The following SETDB2 variants were observed in gnomAD, a reference collection of about 807,000 sequenced individuals.
SETDB2 encodes histone-lysine N-methyltransferase SETDB2.
SETDB2 carries 56 observed loss-of-function variants against 82.5 expected under a neutral mutation model. The ratio of observed to expected loss-of-function variants is 0.68; its 90% CI spans 0.55 to 0.85. The LOEUF is 0.85. SETDB2 is among the 40% of genes least tolerant of loss of function. The pLI, the probability that SETDB2 is intolerant of heterozygous loss-of-function variation, is 0.00. For synonymous variants in SETDB2, 272 were observed against 284.9 expected, an observed-to-expected ratio of 0.95 and a Z score of 0.46; for missense variants, 677 against 816.4, an observed-to-expected ratio of 0.83 and a Z score of 2.08.
chr13:49,467,602 G>A (rs908399949), intron 4 of SETDB2, among the ~76,000 whole-genome samples: 30 of 152,282 alleles, frequency 2.0e-4, no homozygotes, highest in Admixed American at 4.6e-4. Context: ...TTAAAGATTG[G>A]TTAAGCTTCA....
chr13:49,465,093 C>T (rs569593710), intron 4 of SETDB2, among the ~76,000 whole-genome samples: 3 of 151,098 alleles, frequency 2.0e-5, no homozygotes, highest in African/African-American at 4.9e-5. Context: ...AAAAGTTTCA[C>T]GCTAGCATTT....
At position 49,485,667 on chromosome 13, in the gene SETDB2, A is replaced by G. The variant is rs1335241311; in HGVS notation, c.1520A>G (p.Asn507Ser). 1.9e-6 allele frequency: 3 copies of G among 1,614,064 alleles called. No homozygotes were observed. In the South Asian group the frequency reaches 3.3e-5, roughly 18 times the overall value. ...VSSESVTPED[N>S]DGFKPPREHL... ...TCGGAGTCTGTCACTCCAGAAGATA[A>G]TGATGGATTTAAACCACCCCGAGAG... Residue 507 changes from asparagine to serine, a missense_variant, in exon 11 of 14, where the codon AAT becomes AGT. Coordinates refer to ENST00000611815, the MANE Select transcript of SETDB2 (RefSeq NM_001160308.3).
chr13:49,445,270 G>T (rs1378705573), intron 1 of SETDB2, among the ~76,000 whole-genome samples: 1 of 152,098 alleles, frequency 6.6e-6, no homozygotes, highest in African/African-American at 2.4e-5. Context: ...CTAACCCGTG[G>T]TTCTTAAGCG....
intron 12 of SETDB2, chr13:49,489,062 A>T (rs1200621905): frequency 6.4e-6 from 1 of 156,248 alleles, no homozygotes; most frequent in Non-Finnish European, 1.4e-5. Context: ...TACTGCAGGG[A>T]TTTAATGGTG....
At chr13:49,445,699 C>CG (rs1031514131) in intron 1 of SETDB2, 3 of 149,410 alleles carry the variant, frequency 2.0e-5, no homozygotes, top group Non-Finnish European at 4.5e-5. Flanking sequence ...GAGGCTGAGG[C>CG]GGGCGGATCA....
Position 49,491,867 on chromosome 13 carries a change from G to A in SETDB2, c.*18G>A. 1.3e-6 allele frequency: 2 copies of A among 1,523,064 alleles called. No homozygotes were observed. The highest frequency in any genetic ancestry group is 1.8e-6 in the Non-Finnish European group (2 of 1,097,996). The allele number at this position is 1,523,064 out of a possible 1,614,324, so 94.3% of individuals were successfully genotyped here. A position where few individuals can be genotyped will look rare whatever the true frequency, so the allele number is the denominator to read the frequency against. ...TATTATAAATATGTAACTAACGCCTGTTTGTGAAATTAGCTTATCAGGCTG... is the reference window on the plus strand; with the variant it reads ...TATTATAAATATGTAACTAACGCCTATTTGTGAAATTAGCTTATCAGGCTG... On this transcript the variant is annotated 3_prime_UTR_variant, in exon 14 of 14. Transcript: ENST00000611815.
At chr13:49,463,775 C>T (rs1274740370) in intron 4 of SETDB2, among the ~76,000 whole-genome samples, 1 of 152,158 alleles carries the variant, frequency 6.6e-6, no homozygotes, top group Non-Finnish European at 1.5e-5. Flanking sequence ...TTACAGAGAA[C>T]AGGAATCTAT....
intron 5 of SETDB2, among the ~76,000 whole-genome samples, chr13:49,474,867 G>C (rs1446133944): frequency 2.0e-5 from 3 of 152,198 alleles, no homozygotes; most frequent in African/African-American, 7.2e-5. Flanking sequence ...CAGTTCTTTG[G>C]TCGTGCTAGC....
At chr13:49,489,559 C>T (rs868241943) in intron 12 of SETDB2, among the ~76,000 whole-genome samples, 5 of 147,670 alleles carry the variant, frequency 3.4e-5, no homozygotes, top group South Asian at 4.2e-4. Context: ...TCCCATGCCC[C>T]GACTCCACCT....
chr13:49,473,367 T>C (rs1005989814), intron 5 of SETDB2, among the ~76,000 whole-genome samples: 2 of 151,866 alleles, frequency 1.3e-5, no homozygotes, highest in Non-Finnish European at 2.9e-5. Context: ...CTGGGCAACA[T>C]GGTGAGACCC....
chr13:49,448,504 A>C (rs894768427), intron 1 of SETDB2, among the ~76,000 whole-genome samples: 3 of 152,180 alleles, frequency 2.0e-5, no homozygotes, highest in Non-Finnish European at 2.9e-5. Flanking sequence ...CACCATTTCT[A>C]AATGTTCTTA....
At position 49,492,575 on chromosome 13, in the gene SETDB2, G is replaced by A. The variant is rs1958733287; in HGVS notation, c.*726G>A. The A allele has an allele frequency of 6.6e-6, 1 of 152,184 alleles. No individual in the cohort carries two copies. Among genetic ancestry groups the A allele is most frequent in the South Asian group, 2.1e-4 (1 of 4,834 alleles). The allele number at this position is 152,184 out of a possible 1,614,324, so 9.4% of individuals were successfully genotyped here. ...CTTGAATATTTTTGTTCTAGATAGA[G>A]ATACAGTTACTGAAAAGGAAACCTA... On this transcript the variant is annotated 3_prime_UTR_variant, in exon 14 of 14. Transcript: ENST00000611815.
intron 6 of SETDB2, among the ~76,000 whole-genome samples, chr13:49,478,417 C>G (rs2138949853): frequency 6.6e-6 from 1 of 152,248 alleles, no homozygotes; most frequent in Non-Finnish European, 1.5e-5. Flanking sequence ...CCAATGGGGT[C>G]AGAGCCAAAG....
intron 5 of SETDB2, among the ~76,000 whole-genome samples, chr13:49,473,551 C>CA (rs769808278): frequency 0.086 from 5,188 of 60,482 alleles, 390 homozygotes; most frequent in African/African-American, 0.25. Flanking sequence ...ACCCTGTCTC[C>CA]AAAAAAAAAA....
Position 49,476,692 on chromosome 13 carries a change from A to G in SETDB2, c.522A>G (p.Ala174=), listed in dbSNP as rs778071015. The G allele has an allele frequency of 8.1e-6, 13 of 1,614,144 alleles. No homozygotes were observed. The highest frequency in any genetic ancestry group is 8.5e-7 in the Non-Finnish European group (1 of 1,180,028). ...RHAKTNSHSS[A]LHVSYKTPCG... Reference sequence around the variant, plus strand: ...CAAAGACAAACTCTCATTCTTCAGCACTCCACGTGAGTTATAAAACCCCTT... The same window carrying G: ...CAAAGACAAACTCTCATTCTTCAGCGCTCCACGTGAGTTATAAAACCCCTT... The change falls in exon 6 of 14, where the codon GCA becomes GCG. Residue 174 remains alanine (A), a synonymous_variant. Coordinates refer to ENST00000611815, the MANE Select transcript of SETDB2 (RefSeq NM_001160308.3).
chr13:49,476,947 C>CA lies in SETDB2; in HGVS notation c.778dup (p.Arg260LysfsTer10). 1 of 1,614,090 alleles carries CA rather than the reference C, an allele frequency of 6.2e-7. No individual in the cohort carries two copies. The highest frequency in any genetic ancestry group is 1.7e-5 in the Admixed American group (1 of 60,022). On this transcript the variant is annotated frameshift_variant, in exon 6 of 14. Coordinates refer to ENST00000611815, the MANE Select transcript of SETDB2 (RefSeq NM_001160308.3). LOFTEE classifies it high-confidence loss of function. ...GTAGAAAGCTCCCACAGTTTAAGTA[C>CA]AGAAAGACTGTGTGGCCTCGAGCAT...
At chr13:49,445,091 A>G (rs1409355523) in intron 1 of SETDB2, among the ~76,000 whole-genome samples, 4 of 152,220 alleles carry the variant, frequency 2.6e-5, no homozygotes, top group Admixed American at 1.3e-4. Flanking sequence ...GGTCAAATGG[A>G]GTAACCAAAG....
At chr13:49,477,485 T>G (rs1795839150) in intron 6 of SETDB2, among the ~76,000 whole-genome samples, 1 of 152,190 alleles carries the variant, frequency 6.6e-6, no homozygotes, top group Non-Finnish European at 1.5e-5. Context: ...AAATGAACTC[T>G]GTCACTAGCA....
rs370034829 is a variant in SETDB2, at chr13:49,488,551, A to G, written c.1838A>G (p.Asp613Gly). 6.2e-7 allele frequency: 1 copy of G among 1,613,128 alleles called. No individual in the cohort carries two copies. The highest frequency in any genetic ancestry group is 2.2e-5 in the East Asian group (1 of 44,876). Residue 613 changes from aspartate (D) to glycine (G), a missense_variant, in exon 12 of 14, where the codon GAT (aspartate) becomes GGT (glycine). Physicochemically the swap from Asp to Gly is moderately conservative, Grantham distance 94. Transcript: ENST00000611815. ...AGTGAAACCAAGAATACTTCATCTG[A>G]TTCTCTAACAAAGTTCAATAAAGGG... ...LLSETKNTSS[D>G]SLTKFNKGNV...
Sources: gnomAD v4.1 joint callset for allele counts (sites outside exome capture counted in the v4.1 genomes callset) on GRCh38, gnomAD v4.1.1 for gene constraint, MANE v1.5 for transcripts, NCBI Gene and HGNC (gene_info 2026-07-23, HGNC 2026-07-21) for gene names.